The following HHIP variants were observed in gnomAD, a reference collection of about 807,000 sequenced individuals.
HHIP encodes hedgehog-interacting protein.
In HHIP, 12 loss-of-function variants were observed where a neutral mutation model predicts 74.0. That is an observed-to-expected ratio of 0.16 (90% CI 0.10 to 0.26). HHIP has a LOEUF of 0.26. HHIP is among the 10% of genes least tolerant of loss of function. The probability of loss-of-function intolerance (pLI) is 1.00; values close to 1 mark genes in which losing one functional copy is unlikely to be tolerated. For synonymous variants in HHIP, 309 were observed against 311.6 expected, an observed-to-expected ratio of 0.99 and a Z score of 0.09; for missense variants, 788 against 845.0, an observed-to-expected ratio of 0.93 and a Z score of 0.84.
chr4:144,669,667 C>T (rs2126604175), intron 4 of HHIP, among the ~76,000 whole-genome samples: 1 of 152,126 alleles, frequency 6.6e-6, no homozygotes, highest in African/African-American at 2.4e-5. Flanking sequence ...TAAACTAATT[C>T]CATCATTGCT....
intron 8 of HHIP, among the ~76,000 whole-genome samples, chr4:144,713,041 T>G (rs1464943518): frequency 2.6e-5 from 4 of 152,074 alleles, no homozygotes; most frequent in Non-Finnish European, 5.9e-5. Flanking sequence ...TCACATTAAT[T>G]GAGGTTAAGC....
chr4:144,698,508 C>T (rs555345905), intron 4 of HHIP, among the ~76,000 whole-genome samples: 24 of 152,248 alleles, frequency 1.6e-4, no homozygotes, highest in Non-Finnish European at 3.1e-4. Flanking sequence ...GTAGGCTCTA[C>T]CATCTCAGAA....
chr4:144,705,094 T>C (rs1323557683), intron 4 of HHIP, among the ~76,000 whole-genome samples: 1 of 152,226 alleles, frequency 6.6e-6, no homozygotes, highest in African/African-American at 2.4e-5. Context: ...TCGTTCTGTG[T>C]ATTTGCAGCC....
intron 4 of HHIP, among the ~76,000 whole-genome samples, chr4:144,672,730 C>T (rs1729072667): frequency 6.6e-6 from 1 of 152,022 alleles, no homozygotes; most frequent in Admixed American, 6.5e-5. Context: ...GAGATGGAGT[C>T]TTGCTTTGTC....
intron 4 of HHIP, among the ~76,000 whole-genome samples, chr4:144,701,626 A>G (rs536258922): frequency 6.6e-6 from 1 of 152,178 alleles, no homozygotes; most frequent in Non-Finnish European, 1.5e-5. Flanking sequence ...ATTATATCCA[A>G]CACATAATGG....
At chr4:144,697,506 T>C (rs1004931371) in intron 4 of HHIP, among the ~76,000 whole-genome samples, 6 of 152,054 alleles carry the variant, frequency 3.9e-5, no homozygotes, top group South Asian at 2.1e-4. Context: ...TGATATTATA[T>C]TGGATTCCTT....
At chr4:144,653,348 G>T (rs1438634197) in intron 2 of HHIP, among the ~76,000 whole-genome samples, 1 of 152,156 alleles carries the variant, frequency 6.6e-6, no homozygotes, top group Non-Finnish European at 1.5e-5. Context: ...CCAATTGGCA[G>T]ATGAGGAAAT....
chr4:144,676,745 G>A (rs1196729180), intron 4 of HHIP, among the ~76,000 whole-genome samples: 1 of 152,136 alleles, frequency 6.6e-6, no homozygotes, highest in Non-Finnish European at 1.5e-5. Context: ...AAGCAACAAG[G>A]ATATGAGGAA....
intron 4 of HHIP, among the ~76,000 whole-genome samples, chr4:144,687,484 T>C (rs1244140554): frequency 6.6e-6 from 1 of 152,160 alleles, no homozygotes; most frequent in African/African-American, 2.4e-5. Context: ...TTCTACCAAT[T>C]TCACAGAGGA....
intron 11 of HHIP, among the ~76,000 whole-genome samples, chr4:144,733,486 T>C (rs1731017607): frequency 6.6e-6 from 1 of 152,172 alleles, no homozygotes. Flanking sequence ...CAAATTATCA[T>C]CACTGTTCAT....
chr4:144,699,304 T>C (rs533049745), intron 4 of HHIP, among the ~76,000 whole-genome samples: 2 of 152,274 alleles, frequency 1.3e-5, no homozygotes, highest in South Asian at 2.1e-4. Context: ...TGGTTTACTA[T>C]GAAGGATACG....
chr4:144,719,082 T>C (rs1439357844), intron 11 of HHIP, 126 bp downstream of exon 11: 2 of 678,072 alleles, frequency 2.9e-6, no homozygotes, highest in Non-Finnish European at 5.3e-6. Context: ...ACCATTTCCA[T>C]ATGCTTAGAG....
chr4:144,711,830 C>T, intron 7 of HHIP, 120 bp from the exon 8 acceptor site: 1 of 886,604 alleles, frequency 1.1e-6, no homozygotes, highest in Non-Finnish European at 1.7e-6. Flanking sequence ...AAGATCCAAA[C>T]TAAATTGCCA....
At chr4:144,670,764 GAAAAAAAAAAAAAAAAA>G (rs1167213848) in intron 4 of HHIP, among the ~76,000 whole-genome samples, 3 of 54,890 alleles carry the variant, frequency 5.5e-5, no homozygotes, top group African/African-American at 2.2e-4. Context: ...CTTAAGATTT[GAAAAAAAAAAAAAAAAA>G]AAAAAAAGAA....
chr4:144,733,792 G>A (rs1731030958), intron 11 of HHIP, among the ~76,000 whole-genome samples: 6 of 152,120 alleles, frequency 3.9e-5, no homozygotes, highest in Admixed American at 3.3e-4. Context: ...TTTTTTCCCT[G>A]AAGATTAGGT....
At chr4:144,659,612 T>C in intron 3 of HHIP, 25 bp from the exon 4 acceptor site, 2 of 1,409,642 alleles carry the variant, frequency 1.4e-6, no homozygotes, top group East Asian at 2.5e-5. Flanking sequence ...AAGAAAAGCT[T>C]ACCGGTTTTC....
At chr4:144,673,335 A>G (rs552333989) in intron 4 of HHIP, among the ~76,000 whole-genome samples, 1 of 152,286 alleles carries the variant, frequency 6.6e-6, no homozygotes, top group East Asian at 1.9e-4. Flanking sequence ...TCAAAGTGCA[A>G]ATTTTGAAAC....
chr4:144,732,457 T>C (rs1730987256), intron 11 of HHIP, among the ~76,000 whole-genome samples: 1 of 152,208 alleles, frequency 6.6e-6, no homozygotes, highest in Non-Finnish European at 1.5e-5. Flanking sequence ...AATCTGAGTT[T>C]CCTTATGTTT....
chr4:144,647,112 G>A (rs1242486313), intron 1 of HHIP, 158 bp downstream of exon 1: 1 of 618,598 alleles, frequency 1.6e-6, no homozygotes, highest in Admixed American at 3.1e-5. Flanking sequence ...TCCGTTGTGT[G>A]TTCCTCTGGG....
Sources: gnomAD v4.1 joint callset for allele counts (sites outside exome capture counted in the v4.1 genomes callset) on GRCh38, gnomAD v4.1.1 for gene constraint, MANE v1.5 for transcripts, NCBI Gene and HGNC (gene_info 2026-07-23, HGNC 2026-07-21) for gene names.